The following TRAPPC9 variants were observed in gnomAD, a reference collection of about 807,000 sequenced individuals.
The protein encoded by TRAPPC9 is IKK2 binding protein.
TRAPPC9 carries 83 observed loss-of-function variants against 124.0 expected under a neutral mutation model. The ratio of observed to expected loss-of-function variants is 0.67; its 90% CI spans 0.56 to 0.80. The LOEUF (loss-of-function observed/expected upper bound fraction) is 0.80. Ranked by LOEUF, TRAPPC9 falls within the 30% of genes least tolerant of loss-of-function variation. TRAPPC9 has a pLI of 0.00. For synonymous variants in TRAPPC9, 638 were observed against 617.5 expected (o/e 1.03, Z -0.49); for missense variants, 1,302 against 1,508.3 (o/e 0.86, Z 2.27).
rs1551806 is a variant in TRAPPC9, at chr8:139,910,455, C to T, written c.2811-155G>A. Among the ~76,000 whole-genome samples the T allele has an allele frequency of 0.28, 42,994 of 152,014 alleles. 6,267 individuals are homozygous for T. The highest frequency in any genetic ancestry group is 0.39 in the East Asian group (2,006 of 5,152). ...CATTCCAAGAAAATGAAATAATAGA[C>T]TCCTAAGGTGGCCCTGACTTCAGAG... On this transcript the variant is annotated intron_variant, in intron 19 of 22. Transcript: ENST00000438773.
At chr8:140,169,922 G>C (rs1297016512) in intron 17 of TRAPPC9, among the ~76,000 whole-genome samples, 1 of 152,128 alleles carries the variant, frequency 6.6e-6, no homozygotes, top group African/African-American at 2.4e-5. Context: ...ATTTTCTGTA[G>C]AGACGGGGTT....
At chr8:140,118,816 C>T (rs1178389568) in intron 17 of TRAPPC9, among the ~76,000 whole-genome samples, 3 of 152,102 alleles carry the variant, frequency 2.0e-5, no homozygotes, top group African/African-American at 7.2e-5. Context: ...AGCACTTGAG[C>T]GACAGTACAC....
chr8:139,959,151 C>T (rs576883153), intron 19 of TRAPPC9, among the ~76,000 whole-genome samples: 1 of 152,252 alleles, frequency 6.6e-6, no homozygotes, highest in South Asian at 2.1e-4. Context: ...CACTTTCTGA[C>T]TGGGAGCAGA....
At chr8:140,145,939 T>C (rs1485198358) in intron 17 of TRAPPC9, among the ~76,000 whole-genome samples, 1 of 152,242 alleles carries the variant, frequency 6.6e-6, no homozygotes, top group Non-Finnish European at 1.5e-5. Context: ...CTTAGCTATC[T>C]TGGTTAGAAT....
chr8:139,829,321 C>G (rs529581024), intron 21 of TRAPPC9, among the ~76,000 whole-genome samples: 3 of 152,242 alleles, frequency 2.0e-5, no homozygotes, highest in Non-Finnish European at 4.4e-5. Flanking sequence ...ACTGTGCAGA[C>G]AAACAGGAGG....
chr8:140,143,930 T>C (rs1259319056), intron 17 of TRAPPC9, among the ~76,000 whole-genome samples: 1 of 152,244 alleles, frequency 6.6e-6, no homozygotes. Context: ...GTAAGATGAA[T>C]CTGTACTTCA....
At chr8:139,787,598 G>C (rs1822354520) in intron 21 of TRAPPC9, among the ~76,000 whole-genome samples, 4 of 152,224 alleles carry the variant, frequency 2.6e-5, no homozygotes, top group African/African-American at 2.4e-5. Context: ...ACCAAGCTAA[G>C]GACGCTGATA....
intron 1 of TRAPPC9, chr8:140,456,829 A>G: frequency 1.0e-6 from 1 of 985,384 alleles, no homozygotes; most frequent in Non-Finnish European, 1.2e-6. Flanking sequence ...CCAGCGTTTT[A>G]ATTCCTCTCT....
At chr8:139,816,465 G>A (rs1395842468) in intron 21 of TRAPPC9, among the ~76,000 whole-genome samples, 2 of 152,156 alleles carry the variant, frequency 1.3e-5, no homozygotes, top group African/African-American at 4.8e-5. Flanking sequence ...TGGCTTGTGG[G>A]GCTGGGAGAG....
intron 21 of TRAPPC9, among the ~76,000 whole-genome samples, chr8:139,838,828 C>T (rs753596010): frequency 1.3e-5 from 2 of 152,190 alleles, no homozygotes; most frequent in Non-Finnish European, 2.9e-5. Context: ...ACTTATACAT[C>T]GGTTTTCTTC....
At chr8:139,921,831 G>A (rs1436771456) in intron 19 of TRAPPC9, among the ~76,000 whole-genome samples, 5 of 150,348 alleles carry the variant, frequency 3.3e-5, no homozygotes, top group Non-Finnish European at 5.9e-5. Flanking sequence ...TGCCGCATCC[G>A]AGAGCGCACA....
At chr8:140,425,981 G>A (rs974217521) in intron 5 of TRAPPC9, among the ~76,000 whole-genome samples, 15 of 152,318 alleles carry the variant, frequency 9.8e-5, no homozygotes, top group Non-Finnish European at 1.3e-4. Context: ...CGATGAAAGC[G>A]AATGTGTTAG....
In TRAPPC9 at chr8:139,890,763, G is replaced by C. The variant is rs540436414; in HGVS notation, c.2965-4794C>G. Among the ~76,000 whole-genome samples, 411 of 152,094 alleles carry C rather than the reference G, an allele frequency of 2.7e-3. 5 individuals carry two copies. The highest frequency in any genetic ancestry group is 9.6e-3 in the African/African-American group (397 of 41,448). ...CTGTGGCTAGATGATGAGTTAGTGG[G>C]TGCAGCACACCAGCATGGCACATGT... is the stretch of plus-strand genomic sequence containing the variant. On this transcript the variant is annotated intron_variant, in intron 20 of 22. Transcript: ENST00000438773.
At chr8:139,732,827 G>C (rs926446909) in intron 21 of TRAPPC9, among the ~76,000 whole-genome samples, 4 of 152,194 alleles carry the variant, frequency 2.6e-5, no homozygotes, top group African/African-American at 9.6e-5. Flanking sequence ...AAGTGGCACG[G>C]TTCTGGGACC....
intron 21 of TRAPPC9, among the ~76,000 whole-genome samples, chr8:139,795,966 C>T (rs1203901893): frequency 4.0e-5 from 6 of 151,554 alleles, no homozygotes; most frequent in Non-Finnish European, 5.9e-5. Context: ...TTAAGAATCT[C>T]GCACCCTTGG....
At chr8:139,755,751 C>A (rs1379387850) in intron 21 of TRAPPC9, among the ~76,000 whole-genome samples, 1 of 127,692 alleles carries the variant, frequency 7.8e-6, no homozygotes, top group African/African-American at 3.1e-5. Context: ...GACAGCAGGT[C>A]GCAGGGGGAG....
At chr8:139,763,506 C>T (rs1372015919) in intron 21 of TRAPPC9, among the ~76,000 whole-genome samples, 2 of 147,410 alleles carry the variant, frequency 1.4e-5, no homozygotes, top group Admixed American at 6.7e-5. Flanking sequence ...TCACCACGTG[C>T]TAGGCACTGT....
intron 18 of TRAPPC9, among the ~76,000 whole-genome samples, chr8:140,008,047 G>A (rs908337212): frequency 7.9e-5 from 12 of 152,158 alleles, no homozygotes; most frequent in African/African-American, 2.9e-4. Context: ...TGCTCCTGCC[G>A]TGTGAAGGCT....
At position 140,390,213 on chromosome 8, in the gene TRAPPC9, G is replaced by A. The variant is rs187047729; in HGVS notation, c.1134+7407C>T. Among the ~76,000 whole-genome samples, 8 of 152,288 alleles carry A rather than the reference G, an allele frequency of 5.3e-5. No homozygotes were observed. In the East Asian group the frequency reaches 1.4e-3, roughly 26 times the overall value. ...CCAGCTACTTGTGAGGCTGAGGCAG[G>A]AGAATCGCTTAAGCCTGGGAGGCAG... On this transcript the variant is annotated intron_variant, in intron 7 of 22. Coordinates refer to ENST00000438773, the MANE Select transcript of TRAPPC9 (RefSeq NM_001160372.4).
Sources: gnomAD v4.1 joint callset for allele counts (sites outside exome capture counted in the v4.1 genomes callset) on GRCh38, gnomAD v4.1.1 for gene constraint, MANE v1.5 for transcripts, NCBI Gene and HGNC (gene_info 2026-07-23, HGNC 2026-07-21) for gene names.